AGAP1: variants seen among roughly 807,000 people sequenced by gnomAD.
The protein encoded by AGAP1 is arf-GAP with GTPase, ANK repeat and PH domain-containing protein 1.
AGAP1 carries 29 observed loss-of-function variants against 105.3 expected under a neutral mutation model. The ratio of observed to expected loss-of-function variants is 0.28; its 90% CI spans 0.21 to 0.38. The LOEUF is 0.38. Among genes scored for constraint, AGAP1 ranks in the 10% least tolerant of loss-of-function variants. The pLI, the probability that AGAP1 is intolerant of heterozygous loss-of-function variation, is 1.00. For missense variants in AGAP1, 998 were observed against 1,165.1 expected, an observed-to-expected ratio of 0.86 and a Z score of 2.09; for synonymous variants, 509 against 485.9, an observed-to-expected ratio of 1.05 and a Z score of -0.63.
intron 11 of AGAP1, among the ~76,000 whole-genome samples, chr2:235,909,577 G>C (rs890469873): frequency 6.6e-6 from 1 of 152,162 alleles, no homozygotes; most frequent in African/African-American, 2.4e-5. Flanking sequence ...CTGCTCATCA[G>C]AGATAAGGAG....
rs375010291 is a variant in AGAP1, at chr2:235,529,355, T to C, written c.163+34506T>C. ...TCTTATGTACATTGGTGACCTCTTATAATAATTTACAAAATCCATGCTGTC... is the reference window on the plus strand; with the variant it reads ...TCTTATGTACATTGGTGACCTCTTACAATAATTTACAAAATCCATGCTGTC... On this transcript the variant is annotated intron_variant, in intron 1 of 17. Transcript: ENST00000304032. Among the ~76,000 whole-genome samples the C allele has an allele frequency of 5.4e-4, 83 of 152,354 alleles. No individual in the cohort carries two copies. In the South Asian group the frequency reaches 6.0e-3, roughly 11 times the overall value.
At position 235,517,017 on chromosome 2, in the gene AGAP1, A is replaced by G. The variant is rs768008078; in HGVS notation, c.163+22168A>G. 5.3e-5 allele frequency among the ~76,000 whole-genome samples: 8 copies of G among 152,178 alleles called. No homozygotes were observed. Among genetic ancestry groups the G allele is most frequent in the Non-Finnish European group, 1.0e-4 (7 of 68,040 alleles). ...GTGGCTCTGGAGGGGCTTGGCGCCT[A>G]CGTTAGTCAGCTCGGGCTGCCACGA... On this transcript the variant is annotated intron_variant, in intron 1 of 17. Transcript: ENST00000304032. The surrounding 1 kb of genome is among the most constrained non-coding windows in gnomAD (Gnocchi z 4.1).
chr2:235,979,163 A>T lies in AGAP1; in HGVS notation c.1645+10540A>T, dbSNP rs2054987015. Among the ~76,000 whole-genome samples the T allele has an allele frequency of 2.1e-5, 3 of 142,802 alleles. No homozygotes were observed. The highest frequency in any genetic ancestry group is 3.6e-3 in the Middle Eastern group (1 of 276). 93.7% of individuals were successfully genotyped at this position (142,802 alleles called of 152,430 possible). The stretch of plus-strand genomic sequence containing the variant: ...TTTGTTTTTTTTTTTTTGGGATATG[A>T]TCTCACTGTGTTGTCCGGGCTAGTC... On this transcript the variant is annotated intron_variant, in intron 13 of 17. Transcript: ENST00000304032. This position sits in a 1 kb window ranked among gnomAD's most constrained non-coding sequence, Gnocchi z 4.5.
At chr2:236,033,530 A>G (rs1227514750) in intron 13 of AGAP1, among the ~76,000 whole-genome samples, 1 of 152,252 alleles carries the variant, frequency 6.6e-6, no homozygotes, top group Non-Finnish European at 1.5e-5. Context: ...GGGATGAGGC[A>G]AAAAATAGAG....
chr2:235,618,539 TA>T (rs1240480824), intron 1 of AGAP1, among the ~76,000 whole-genome samples: 2 of 152,206 alleles, frequency 1.3e-5, no homozygotes, highest in African/African-American at 2.4e-5. Context: ...AATTCAGGCA[TA>T]AAGCTTCAAG....
In AGAP1 at chr2:235,754,910, A is replaced by C. The variant is rs1953787484; in HGVS notation, c.673+4422A>C. Among the ~76,000 whole-genome samples the C allele has an allele frequency of 6.6e-6, 1 of 152,264 alleles. No individual in the cohort carries two copies. The highest frequency in any genetic ancestry group is 1.5e-5 in the Non-Finnish European group (1 of 68,048). On this transcript the variant is annotated intron_variant, in intron 6 of 17. Coordinates refer to ENST00000304032, the MANE Select transcript of AGAP1 (RefSeq NM_001037131.3). This position sits in a 1 kb window ranked among gnomAD's most constrained non-coding sequence, Gnocchi z 4.6. ...CTCAGGGGTGGAAAAGAAGTGTGGC[A>C]GCCCAGGCTGCTTTCTGGGGGTGGA...
intron 16 of AGAP1, among the ~76,000 whole-genome samples, chr2:236,108,615 AAGAG>A (rs1168783024): frequency 1.3e-5 from 2 of 151,990 alleles, no homozygotes; most frequent in Non-Finnish European, 2.9e-5. Flanking sequence ...TTCGCACTGG[AAGAG>A]AGAGGGGGTT....
intron 1 of AGAP1, among the ~76,000 whole-genome samples, chr2:235,629,268 TTGTGTGTGTGTGTG>T (rs60059513): frequency 0.14 from 19,068 of 135,672 alleles, 1,376 homozygotes; most frequent in East Asian, 0.35. Context: ...GTAGTAGTCA[TTGTGTGTGTGTGTG>T]TGTGTGTGTG....
intron 13 of AGAP1, among the ~76,000 whole-genome samples, chr2:236,032,089 C>G (rs1325231507): frequency 6.6e-6 from 1 of 152,220 alleles, no homozygotes; most frequent in Non-Finnish European, 1.5e-5. Flanking sequence ...GTCAGTTCAG[C>G]TAAGAGATCC....
chr2:236,070,598 G>T (rs573302941), intron 16 of AGAP1, among the ~76,000 whole-genome samples: 13 of 152,320 alleles, frequency 8.5e-5, no homozygotes, highest in Middle Eastern at 3.4e-3. Context: ...CCACACAATG[G>T]AATATTGTTC....
rs1157723401 is a variant in AGAP1, at chr2:236,129,264, G to A, written c.*5142G>A. 6.6e-6 allele frequency: 1 copy of A among 152,378 alleles called. No individual in the cohort carries two copies. Among genetic ancestry groups the A allele is most frequent in the Admixed American group, 6.5e-5 (1 of 15,278 alleles). The allele number at this position is 152,378 out of a possible 1,614,324, so 9.4% of individuals were successfully genotyped here. A position where few individuals can be genotyped will look rare whatever the true frequency, so the allele number is the denominator to read the frequency against. On this transcript the variant is annotated 3_prime_UTR_variant, in exon 18 of 18. Coordinates refer to ENST00000304032, the MANE Select transcript of AGAP1 (RefSeq NM_001037131.3). The surrounding 1 kb of genome is among the most constrained non-coding windows in gnomAD (Gnocchi z 6.2). ...GCTCAGGTGATAGCGAGTGGGGCCA[G>A]GAGACCCCCCTGCCCTGCCCAGTGG...
At chr2:235,605,410 T>C (rs553479941) in intron 1 of AGAP1, among the ~76,000 whole-genome samples, 9 of 152,348 alleles carry the variant, frequency 5.9e-5, no homozygotes, top group Middle Eastern at 6.8e-3. Flanking sequence ...TTTCGCCACA[T>C]GCGAAGATTC....
chr2:236,107,355 A>G (rs141853916), intron 16 of AGAP1, among the ~76,000 whole-genome samples: 1 of 152,256 alleles, frequency 6.6e-6, no homozygotes, highest in Non-Finnish European at 1.5e-5. Context: ...GACTGGGTTC[A>G]CTAGCTAGCC....
intron 1 of AGAP1, among the ~76,000 whole-genome samples, chr2:235,681,247 G>A (rs1949054792): frequency 6.6e-6 from 1 of 152,184 alleles, no homozygotes; most frequent in African/African-American, 2.4e-5. Flanking sequence ...CTGATCTCAT[G>A]ATCTGCCCTC....
At chr2:235,918,705 T>C (rs889794310) in intron 11 of AGAP1, among the ~76,000 whole-genome samples, 6 of 152,176 alleles carry the variant, frequency 3.9e-5, no homozygotes, top group Non-Finnish European at 5.9e-5. Flanking sequence ...TATTCCTGCA[T>C]GTTACCCATC....
intron 1 of AGAP1, among the ~76,000 whole-genome samples, chr2:235,522,545 C>T (rs887149879): frequency 2.0e-5 from 3 of 152,040 alleles, no homozygotes; most frequent in Non-Finnish European, 2.9e-5. Context: ...GAAGACGGCT[C>T]ATGAGGAAGG....
At chr2:236,117,177 C>A (rs2059791285) in intron 16 of AGAP1, among the ~76,000 whole-genome samples, 1 of 152,208 alleles carries the variant, frequency 6.6e-6, no homozygotes, top group Non-Finnish European at 1.5e-5. Context: ...AATCTCCACA[C>A]TGTTTTCCAT....
intron 9 of AGAP1, among the ~76,000 whole-genome samples, chr2:235,828,136 G>A (rs1959167167): frequency 2.6e-5 from 4 of 152,200 alleles, no homozygotes; most frequent in Admixed American, 2.0e-4. Context: ...ATGTTTCTGG[G>A]AAATAATGGG....
chr2:235,561,008 G>A (rs1944132516), intron 1 of AGAP1, among the ~76,000 whole-genome samples: 1 of 152,208 alleles, frequency 6.6e-6, no homozygotes, highest in South Asian at 2.1e-4. Context: ...AGCACAGACA[G>A]TAGAGGTGGG....
Sources: gnomAD v4.1 joint callset for allele counts (sites outside exome capture counted in the v4.1 genomes callset) on GRCh38, gnomAD v4.1.1 for gene constraint, Gnocchi (gnomAD v3.1) non-coding constraint, MANE v1.5 for transcripts, NCBI Gene and HGNC (gene_info 2026-07-23, HGNC 2026-07-21) for gene names.